The following SLC9C1 variants were observed in gnomAD, a reference collection of about 807,000 sequenced individuals.
SLC9C1 encodes sodium/hydrogen exchanger 10.
In SLC9C1, 97 loss-of-function variants were observed where a neutral mutation model predicts 140.9. The ratio of observed to expected loss-of-function variants is 0.69; its 90% CI spans 0.58 to 0.82. SLC9C1 has a LOEUF of 0.82. Among genes scored for constraint, SLC9C1 ranks in the 40% least tolerant of loss-of-function variants. SLC9C1 has a pLI of 0.00. For missense variants in SLC9C1, 1,340 were observed against 1,389.3 expected, an observed-to-expected ratio of 0.96 and a Z score of 0.56; for synonymous variants, 440 against 442.6, an observed-to-expected ratio of 0.99 and a Z score of 0.07.
intron 28 of SLC9C1, chr3:112,151,436 C>T: frequency 1.9e-6 from 1 of 519,096 alleles, no homozygotes; most frequent in African/African-American, 1.9e-5. Flanking sequence ...GTGTTATCCA[C>T]AGTGTATCTT....
intron 28 of SLC9C1, among the ~76,000 whole-genome samples, chr3:112,143,560 C>T (rs2074694133): frequency 6.6e-6 from 1 of 152,054 alleles, no homozygotes; most frequent in South Asian, 2.1e-4. Context: ...CTGTCTATGT[C>T]TTTCATGCAT....
chr3:112,273,360 A>AC (rs914971801), intron 6 of SLC9C1, among the ~76,000 whole-genome samples: 64 of 152,036 alleles, frequency 4.2e-4, no homozygotes, highest in African/African-American at 1.5e-3. Flanking sequence ...AATTGGAAGT[A>AC]CCTAAAGATG....
At chr3:112,270,752 G>T (rs1168765739) in intron 6 of SLC9C1, among the ~76,000 whole-genome samples, 5 of 151,758 alleles carry the variant, frequency 3.3e-5, no homozygotes, top group Non-Finnish European at 7.4e-5. Flanking sequence ...GGAGGCAGAG[G>T]TTGTAGTGAG....
intron 10 of SLC9C1, among the ~76,000 whole-genome samples, chr3:112,261,862 C>G (rs932196553): frequency 2.6e-5 from 4 of 152,024 alleles, no homozygotes; most frequent in Non-Finnish European, 5.9e-5. Context: ...CTGGCTCTTA[C>G]TAGCTCATGA....
intron 10 of SLC9C1, among the ~76,000 whole-genome samples, chr3:112,251,065 G>C (rs2079442150): frequency 6.6e-6 from 1 of 152,076 alleles, no homozygotes; most frequent in South Asian, 2.1e-4. Context: ...GTCATAAAAA[G>C]AACAAGATTG....
At chr3:112,261,262 T>C (rs961608275) in intron 10 of SLC9C1, among the ~76,000 whole-genome samples, 11 of 152,090 alleles carry the variant, frequency 7.2e-5, no homozygotes, top group African/African-American at 2.7e-4. Flanking sequence ...TCCACAGACA[T>C]TGATATTTTT....
At chr3:112,178,783 G>A (rs891733365) in intron 23 of SLC9C1, among the ~76,000 whole-genome samples, 4 of 152,102 alleles carry the variant, frequency 2.6e-5, no homozygotes, top group African/African-American at 9.7e-5. Context: ...CCAACTGAAG[G>A]TTGTTTCCTA....
Position 112,263,077 on chromosome 3 carries a change from T to G in SLC9C1, c.1044A>C (p.Ile348=). 6.4e-7 allele frequency: 1 copy of G among 1,562,694 alleles called. No individual in the cohort carries two copies. Among genetic ancestry groups the G allele is most frequent in the Non-Finnish European group, 8.6e-7 (1 of 1,161,342 alleles). The change falls in exon 10 of 29, where the codon ATA becomes ATC. Residue 348 remains isoleucine, a synonymous_variant. Transcript: ENST00000305815. The part of the protein sequence containing the change: ...IVLRFLTLLL[I]SPVLSRVGHE... ...GACCAACTCGAGACAAAACAGGGCT[T>G]ATTAAAAGAAGGGTCAGAAATCTAA...
intron 10 of SLC9C1, among the ~76,000 whole-genome samples, chr3:112,257,755 A>C (rs1159102855): frequency 1.3e-5 from 2 of 152,146 alleles, no homozygotes; most frequent in African/African-American, 4.8e-5. Flanking sequence ...TCAACAGAGT[A>C]AATATAAAAC....
chr3:112,260,700 G>C (rs1258057769), intron 10 of SLC9C1, among the ~76,000 whole-genome samples: 1 of 151,998 alleles, frequency 6.6e-6, no homozygotes, highest in Admixed American at 6.6e-5. Context: ...TCTAAGACAT[G>C]GTCTTTCTGG....
At chr3:112,220,487 TG>T (rs1276859292) in intron 14 of SLC9C1, among the ~76,000 whole-genome samples, 3 of 152,194 alleles carry the variant, frequency 2.0e-5, no homozygotes, top group Non-Finnish European at 4.4e-5. Context: ...CAGGGAATTT[TG>T]GTGTCTTCAG....
intron 16 of SLC9C1, among the ~76,000 whole-genome samples, chr3:112,206,570 A>G (rs2078055931): frequency 1.3e-5 from 2 of 152,228 alleles, no homozygotes; most frequent in African/African-American, 4.8e-5. Context: ...ACCATTCACA[A>G]TAGCAAAGAC....
intron 10 of SLC9C1, among the ~76,000 whole-genome samples, chr3:112,255,286 T>C (rs1470103406): frequency 1.3e-5 from 2 of 152,148 alleles, no homozygotes; most frequent in Admixed American, 6.6e-5. Context: ...ATATACATTC[T>C]TCTCATCACC....
chr3:112,175,137 GA>G (rs1219710693), intron 23 of SLC9C1, among the ~76,000 whole-genome samples: 1 of 152,222 alleles, frequency 6.6e-6, no homozygotes, highest in Non-Finnish European at 1.5e-5. Context: ...AGGCCTGGAG[GA>G]CTTGCCCAGT....
At chr3:112,173,166 A>G (rs562806997) in intron 23 of SLC9C1, among the ~76,000 whole-genome samples, 1 of 152,322 alleles carries the variant, frequency 6.6e-6, no homozygotes, top group East Asian at 1.9e-4. Context: ...CAGTAAAACC[A>G]TCTGGCATGG....
At chr3:112,285,177 A>G (rs1337749363) in intron 2 of SLC9C1, among the ~76,000 whole-genome samples, 1 of 151,844 alleles carries the variant, frequency 6.6e-6, no homozygotes, top group Non-Finnish European at 1.5e-5. Flanking sequence ...TAGTAGAAAC[A>G]GTGTTTCACC....
intron 10 of SLC9C1, among the ~76,000 whole-genome samples, chr3:112,256,331 A>C (rs777781813): frequency 1.3e-5 from 2 of 152,188 alleles, no homozygotes; most frequent in African/African-American, 2.4e-5. Context: ...TCCTCAACAA[A>C]ATACTAGTAA....
intron 10 of SLC9C1, among the ~76,000 whole-genome samples, chr3:112,250,928 C>G (rs945269675): frequency 2.0e-5 from 3 of 152,148 alleles, no homozygotes; most frequent in Admixed American, 6.5e-5. Context: ...ACCATAAAGA[C>G]ATATGCATGT....
At chr3:112,292,282 TTAA>T (rs2080706439) in intron 1 of SLC9C1, among the ~76,000 whole-genome samples, 1 of 152,168 alleles carries the variant, frequency 6.6e-6, no homozygotes, top group Non-Finnish European at 1.5e-5. Context: ...TATAATCACA[TTAA>T]TAATAATAAA....
Sources: gnomAD v4.1 joint callset for allele counts (sites outside exome capture counted in the v4.1 genomes callset) on GRCh38, gnomAD v4.1.1 for gene constraint, MANE v1.5 for transcripts, NCBI Gene and HGNC (gene_info 2026-07-23, HGNC 2026-07-21) for gene names.